SNTG1: variants seen among roughly 807,000 people sequenced by gnomAD.
The protein encoded by SNTG1 is gamma-1-syntrophin.
In SNTG1, 39 loss-of-function variants were observed where a neutral mutation model predicts 74.7. The ratio of observed to expected loss-of-function variants is 0.52; its 90% CI spans 0.40 to 0.68. SNTG1 has a LOEUF of 0.68. Among genes scored for constraint, SNTG1 ranks in the 30% least tolerant of loss-of-function variants. The pLI is 0.00. For synonymous variants in SNTG1, 254 were observed against 217.1 expected (o/e 1.17, Z -1.49); for missense variants, 685 against 609.5 (o/e 1.12, Z -1.30).
At chr8:50,293,655 C>A (rs1309647655) in intron 2 of SNTG1, among the ~76,000 whole-genome samples, 3 of 152,008 alleles carry the variant, frequency 2.0e-5, no homozygotes, top group Non-Finnish European at 4.4e-5. Context: ...AGCGATCCAC[C>A]TGCCTCGGCC....
intron 15 of SNTG1, among the ~76,000 whole-genome samples, chr8:50,697,257 T>G (rs2131484678): frequency 6.6e-6 from 1 of 152,296 alleles, no homozygotes; most frequent in African/African-American, 2.4e-5. Flanking sequence ...GAAAAGCTAC[T>G]GATTTTTGTA....
chr8:50,472,350 T>C (rs2093660113), intron 8 of SNTG1, among the ~76,000 whole-genome samples: 1 of 152,178 alleles, frequency 6.6e-6, no homozygotes, highest in Admixed American at 6.5e-5. Flanking sequence ...GGCGCCACAT[T>C]GTAGATGTGA....
At chr8:50,624,582 T>C (rs1051281150) in intron 13 of SNTG1, among the ~76,000 whole-genome samples, 33 of 152,188 alleles carry the variant, frequency 2.2e-4, no homozygotes, top group African/African-American at 7.5e-4. Flanking sequence ...AGAAATATAA[T>C]GGTTTTGATT....
intron 1 of SNTG1, among the ~76,000 whole-genome samples, chr8:50,074,436 T>C (rs184885517): frequency 4.9e-4 from 75 of 152,306 alleles, no homozygotes; most frequent in African/African-American, 1.6e-3. Flanking sequence ...GTAGAGTTAC[T>C]AACTTACCTA....
At chr8:49,954,236 A>G (rs1809970572) in intron 1 of SNTG1, among the ~76,000 whole-genome samples, 1 of 152,190 alleles carries the variant, frequency 6.6e-6, no homozygotes, top group South Asian at 2.1e-4. Flanking sequence ...GTAAAACTTA[A>G]ATGAATGTTA....
chr8:49,919,553 T>G (rs1806346526), intron 1 of SNTG1, among the ~76,000 whole-genome samples: 1 of 151,646 alleles, frequency 6.6e-6, no homozygotes, highest in Admixed American at 6.6e-5. Flanking sequence ...TCTAAAAGCT[T>G]TTTTTTCCTA....
At position 50,579,753 on chromosome 8, in the gene SNTG1, C is replaced by G. The variant is rs140644690; in HGVS notation, c.811-11126C>G. On this transcript the variant is annotated intron_variant, in intron 12 of 18. Transcript: ENST00000642720. ...ATGTGGTGTTTGCCCTTTGAGTGCGCAGAAAACAAAAATTGAGGTTTGGGA... is the reference window on the plus strand; with the variant it reads ...ATGTGGTGTTTGCCCTTTGAGTGCGGAGAAAACAAAAATTGAGGTTTGGGA... Among the ~76,000 whole-genome samples, 1,212 of 152,328 alleles carry G rather than the reference C, an allele frequency of 8.0e-3. 14 individuals carry two copies. Among genetic ancestry groups the G allele is most frequent in the African/African-American group, 0.027 (1,106 of 41,564 alleles).
chr8:50,586,820 G>A (rs1471963192), intron 12 of SNTG1, among the ~76,000 whole-genome samples: 2 of 151,450 alleles, frequency 1.3e-5, no homozygotes, highest in South Asian at 2.1e-4. Context: ...TTAGATTTTC[G>A]AAGTTTTAAA....
chr8:50,303,179 A>G (rs1352134595), intron 2 of SNTG1, among the ~76,000 whole-genome samples: 1 of 152,124 alleles, frequency 6.6e-6, no homozygotes, highest in Non-Finnish European at 1.5e-5. Flanking sequence ...CTTTTTTCAC[A>G]ATGGACTCCC....
chr8:50,295,497 A>G (rs1420251539), intron 2 of SNTG1, among the ~76,000 whole-genome samples: 1 of 152,160 alleles, frequency 6.6e-6, no homozygotes, highest in Non-Finnish European at 1.5e-5. Context: ...GTTTCATTGA[A>G]CATATTGCAG....
chr8:50,262,357 T>C (rs1161467610), intron 2 of SNTG1, among the ~76,000 whole-genome samples: 1 of 152,156 alleles, frequency 6.6e-6, no homozygotes, highest in African/African-American at 2.4e-5. Context: ...CAAAAATCAA[T>C]ACAATTATAA....
chr8:50,233,709 A>T (rs1163937494), intron 2 of SNTG1, among the ~76,000 whole-genome samples: 1 of 127,384 alleles, frequency 7.9e-6, no homozygotes, highest in African/African-American at 2.7e-5. Flanking sequence ...ACTTCACTTT[A>T]AAAAAACCCA....
intron 2 of SNTG1, among the ~76,000 whole-genome samples, chr8:50,347,268 G>A (rs1233319121): frequency 6.6e-6 from 1 of 152,172 alleles, no homozygotes; most frequent in African/African-American, 2.4e-5. Flanking sequence ...ATCATGCTAA[G>A]TCAACTCTGC....
intron 8 of SNTG1, among the ~76,000 whole-genome samples, chr8:50,454,829 T>TAAAAAAAAAAAAAAAAAAA (rs1158732952): frequency 3.8e-4 from 36 of 95,152 alleles, no homozygotes; most frequent in African/African-American, 1.5e-3. Context: ...CAGACAGAGC[T>TAAAAAAAAAAAAAAAAAAA]AAAAAAAAAA....
At chr8:50,313,835 C>G (rs1009303729) in intron 2 of SNTG1, among the ~76,000 whole-genome samples, 1 of 149,692 alleles carries the variant, frequency 6.7e-6, no homozygotes, top group African/African-American at 2.5e-5. Flanking sequence ...AATTTGTTTT[C>G]CAGAAATATT....
chr8:50,665,466 C>T (rs56108944), intron 15 of SNTG1, among the ~76,000 whole-genome samples: 4,167 of 151,922 alleles, frequency 0.027, 166 homozygotes, highest in African/African-American at 0.092. Context: ...CTTACTCTGT[C>T]CCCAAAATAT....
intron 1 of SNTG1, among the ~76,000 whole-genome samples, chr8:50,165,930 T>C (rs2082599615): frequency 6.7e-6 from 1 of 149,750 alleles, no homozygotes; most frequent in Non-Finnish European, 1.5e-5. Flanking sequence ...GAGATATAGA[T>C]CAATGGAACA....
rs144851144 is a variant in SNTG1, at chr8:50,250,940, G to A, written c.-28+78305G>A. Among the ~76,000 whole-genome samples, 23 of 152,156 alleles carry A rather than the reference G, an allele frequency of 1.5e-4. No individual in the cohort carries two copies. In the East Asian group the frequency reaches 3.5e-3, roughly 23 times the overall value. Reference sequence around the variant, plus strand: ...ATAACCATACCCAGAATTCCCTGGTGCTGTAATAGTGCTATGAAATTCTTC... The same window carrying A: ...ATAACCATACCCAGAATTCCCTGGTACTGTAATAGTGCTATGAAATTCTTC... On this transcript the variant is annotated intron_variant, in intron 2 of 18. Coordinates refer to ENST00000642720, the MANE Select transcript of SNTG1 (RefSeq NM_018967.5).
At chr8:50,386,690 T>C (rs2131266728) in intron 2 of SNTG1, among the ~76,000 whole-genome samples, 1 of 152,200 alleles carries the variant, frequency 6.6e-6, no homozygotes, top group East Asian at 1.9e-4. Context: ...GGAGCCAGCA[T>C]GTCATGTGGT....
Sources: allele counts gnomAD v4.1 joint callset (sites outside exome capture counted in the v4.1 genomes callset), GRCh38; gene constraint gnomAD v4.1.1; transcripts MANE v1.5; gene names NCBI Gene and HGNC (gene_info 2026-07-23, HGNC 2026-07-21).